ST7: variants seen among roughly 807,000 people sequenced by gnomAD.
ST7 encodes suppressor of tumorigenicity 7 protein.
A neutral mutation model predicts 78.7 loss-of-function variants in ST7; 28 were observed. The ratio of observed to expected loss-of-function variants is 0.36; its 90% CI spans 0.26 to 0.49. ST7 has a LOEUF of 0.49. Among genes scored for constraint, ST7 ranks in the 20% least tolerant of loss-of-function variants. ST7 has a pLI of 0.99. For synonymous variants in ST7, 247 were observed against 249.6 expected, an observed-to-expected ratio of 0.99 and a Z score of 0.10; for missense variants, 418 against 696.0, an observed-to-expected ratio of 0.60 and a Z score of 4.49.
chr7:117,097,909 T>TATATAA (rs1554436004), intron 1 of ST7, among the ~76,000 whole-genome samples: 1 of 15,374 alleles, frequency 6.5e-5, no homozygotes, highest in Non-Finnish European at 1.2e-4. Flanking sequence ...TATATATATA[T>TATATAA]TTTTTTTTTT....
At chr7:117,066,699 T>C (rs1383666910) in intron 1 of ST7, among the ~76,000 whole-genome samples, 2 of 145,716 alleles carry the variant, frequency 1.4e-5, no homozygotes, top group Non-Finnish European at 3.0e-5. Flanking sequence ...AGGCAGAGAT[T>C]GCAGTGAGCC....
chr7:116,957,087 C>T (rs79994252), intron 1 of ST7: 4,806 of 161,866 alleles, frequency 0.03, 136 homozygotes, highest in East Asian at 0.13. Flanking sequence ...GCTCTTACAT[C>T]GTGTAGTTTT....
At chr7:117,004,568 A>G (rs1236073379) in intron 1 of ST7, among the ~76,000 whole-genome samples, 1 of 152,108 alleles carries the variant, frequency 6.6e-6, no homozygotes, top group African/African-American at 2.4e-5. Flanking sequence ...GGCTGAGACC[A>G]GAGAATTGCT....
At chr7:116,956,512 G>T (rs1224637505) in intron 1 of ST7, 2 of 471,068 alleles carry the variant, frequency 4.2e-6, no homozygotes, top group Admixed American at 4.7e-5. Flanking sequence ...AGTTGCAGAT[G>T]GCGCAGGCCT....
At chr7:117,228,007 A>C (rs550690755) in intron 15 of ST7, among the ~76,000 whole-genome samples, 1 of 152,278 alleles carries the variant, frequency 6.6e-6, no homozygotes, top group East Asian at 1.9e-4. Context: ...TACTTCTTCT[A>C]ACTGTCCTAG....
chr7:117,216,850 G>T (rs1033974956), intron 13 of ST7, among the ~76,000 whole-genome samples: 1 of 151,934 alleles, frequency 6.6e-6, no homozygotes, highest in Non-Finnish European at 1.5e-5. Flanking sequence ...TAATCATGGG[G>T]GTGGAGGGCA....
intron 1 of ST7, chr7:117,072,842 T>TC (rs1380822435): frequency 6.6e-6 from 1 of 152,216 alleles, no homozygotes; most frequent in Non-Finnish European, 1.5e-5. Context: ...CGCAGTCACT[T>TC]CAGCTTGTCC....
chr7:117,151,678 C>T (rs1434822281), intron 9 of ST7, among the ~76,000 whole-genome samples: 2 of 152,212 alleles, frequency 1.3e-5, no homozygotes, highest in African/African-American at 2.4e-5. Context: ...GCAGGAACTT[C>T]ATCTTCCATG....
At chr7:116,955,065 A>G (rs1470789831) in intron 1 of ST7, 1 of 468,598 alleles carries the variant, frequency 2.1e-6, no homozygotes, top group Admixed American at 2.4e-5. Flanking sequence ...AGCCCTTTTG[A>G]GTCTGTCATC....
intron 3 of ST7, among the ~76,000 whole-genome samples, chr7:117,122,698 A>G (rs1429051900): frequency 3.3e-5 from 5 of 152,228 alleles, no homozygotes; most frequent in Non-Finnish European, 5.9e-5. Context: ...TTAGGTCTCC[A>G]TCTGCCCACT....
chr7:117,138,485 G>A lies in ST7; in HGVS notation c.916G>A (p.Ala306Thr), dbSNP rs1005437638. Residue 306 changes from alanine (A) to threonine (T), a missense_variant, in exon 9 of 16, where the codon GCC becomes ACC. This residue lies in a region of ST7 where 288 missense variants were observed against 537.1 expected (regional missense o/e 0.54). Coordinates refer to ENST00000323984, the MANE Select transcript of ST7 (RefSeq NM_001369598.1). ...CATCAAAAGAAGGCTAGCAATGTGTGCCAGAAGACTCGGGAGGACCAGGGA... is the reference window on the plus strand; with the variant it reads ...CATCAAAAGAAGGCTAGCAATGTGTACCAGAAGACTCGGGAGGACCAGGGA... ...VYIKRRLAMC[A>T]RRLGRTREAV... 6.2e-7 allele frequency: 1 copy of A among 1,609,814 alleles called. No homozygotes were observed. Among genetic ancestry groups the A allele is most frequent in the Non-Finnish European group, 8.5e-7 (1 of 1,177,870 alleles).
chr7:117,029,186 G>C (rs577581330), intron 1 of ST7, among the ~76,000 whole-genome samples: 2 of 152,228 alleles, frequency 1.3e-5, no homozygotes, highest in Non-Finnish European at 2.9e-5. Flanking sequence ...ATTTTCCAAA[G>C]TGGTTATACC....
intron 1 of ST7, among the ~76,000 whole-genome samples, chr7:117,037,788 A>C (rs1796973040): frequency 6.6e-6 from 1 of 152,214 alleles, no homozygotes; most frequent in Non-Finnish European, 1.5e-5. Flanking sequence ...ATTATGGTTT[A>C]GCTCATCGCT....
Position 117,223,041 on chromosome 7 carries a change from G to A in ST7, c.1638+979G>A, listed in dbSNP as rs535425471. 4.6e-3 allele frequency: 5,492 copies of A among 1,188,732 alleles called. 213 individuals are homozygous for A. In the South Asian group the frequency reaches 0.062, roughly 13 times the overall value. The allele number at this position is 1,188,732 out of a possible 1,614,324, so 73.6% of individuals were successfully genotyped here. On this transcript the variant is annotated intron_variant, in intron 15 of 15. Coordinates refer to ENST00000323984, the MANE Select transcript of ST7 (RefSeq NM_001369598.1). ...TCCTCCTCCTGTATTCCTGACCTCC[G>A]CCATCCACCCCGTTGCTCAAGCCGG...
intron 1 of ST7, among the ~76,000 whole-genome samples, chr7:117,073,456 C>G (rs1799119928): frequency 6.6e-6 from 1 of 152,122 alleles, no homozygotes; most frequent in Non-Finnish European, 1.5e-5. Flanking sequence ...TTGTTTTCAT[C>G]CATCTATCCT....
intron 9 of ST7, among the ~76,000 whole-genome samples, chr7:117,152,162 TTATATATATAAAAACTATATA>T (rs1806301911): frequency 8.5e-6 from 1 of 118,276 alleles, no homozygotes; most frequent in African/African-American, 3.4e-5. Flanking sequence ...AATATATGTA[TTATATATATAAAAACTATATA>T]TATATATATA....
chr7:117,192,122 GCTATAA>G lies in ST7; in HGVS notation c.1254+1192_1254+1197del, dbSNP rs1027551988. On this transcript the variant is annotated intron_variant, in intron 12 of 15. Coordinates refer to ENST00000323984, the MANE Select transcript of ST7 (RefSeq NM_001369598.1). ...CAGATTTATGTATTGTCCATATGGT[GCTATAA>G]CTATATCTCCTTATATAATATTTTT... 3.3e-5 allele frequency among the ~76,000 whole-genome samples: 5 copies of G among 152,112 alleles called. 1 individual carries two copies. Among genetic ancestry groups the G allele is most frequent in the Admixed American group, 1.3e-4 (2 of 15,258 alleles).
chr7:117,188,266 A>T (rs1262908166), intron 10 of ST7, among the ~76,000 whole-genome samples: 1 of 152,074 alleles, frequency 6.6e-6, no homozygotes, highest in Non-Finnish European at 1.5e-5. Context: ...TTTCTACTTT[A>T]CTGTAATCCT....
chr7:116,980,432 T>C (rs1238090309), intron 1 of ST7, among the ~76,000 whole-genome samples: 1 of 152,216 alleles, frequency 6.6e-6, no homozygotes, highest in Non-Finnish European at 1.5e-5. Flanking sequence ...CTCCTTGTCC[T>C]GTGGCTCCTT....
Sources: allele counts gnomAD v4.1 joint callset (sites outside exome capture counted in the v4.1 genomes callset), GRCh38; gene constraint gnomAD v4.1.1; regional missense constraint gnomAD v4.1.1; transcripts MANE v1.5; gene names NCBI Gene and HGNC (gene_info 2026-07-23, HGNC 2026-07-21).